Variants in VTA1 observed in about 807,000 individuals in gnomAD.
VTA1 encodes vacuolar protein sorting-associated protein VTA1 homolog.
In VTA1, 24 loss-of-function variants were observed where a neutral mutation model predicts 36.9. That is an observed-to-expected ratio of 0.65 (90% CI 0.47 to 0.91). The LOEUF is 0.91. Among genes scored for constraint, VTA1 ranks in the 40% least tolerant of loss-of-function variants. The pLI is 0.00. For synonymous variants in VTA1, 142 were observed against 130.2 expected (o/e 1.09, Z -0.62); for missense variants, 393 against 377.2 (o/e 1.04, Z -0.35).
chr6:142,174,297 G>A (rs1775078500), intron 4 of VTA1, among the ~76,000 whole-genome samples: 1 of 152,204 alleles, frequency 6.6e-6, no homozygotes, highest in African/African-American at 2.4e-5. Context: ...TGCTGGTCAT[G>A]GAGTCAAGGA....
chr6:142,210,371 AT>A (rs1179114768), intron 7 of VTA1, among the ~76,000 whole-genome samples: 2 of 152,308 alleles, frequency 1.3e-5, no homozygotes, highest in Non-Finnish European at 2.9e-5. Context: ...CTATGCAAAG[AT>A]TTTTTTGTGT....
At chr6:142,203,103 C>A (rs1775721679) in intron 6 of VTA1, among the ~76,000 whole-genome samples, 2 of 151,972 alleles carry the variant, frequency 1.3e-5, no homozygotes, top group Admixed American at 1.3e-4. Flanking sequence ...AGAACTTCAG[C>A]CATCTTTTGT....
chr6:142,180,708 C>T (rs1055751017), intron 4 of VTA1, among the ~76,000 whole-genome samples: 2 of 152,094 alleles, frequency 1.3e-5, no homozygotes, highest in Admixed American at 6.5e-5. Context: ...CAGCTCACGT[C>T]ATGTGCATCC....
chr6:142,171,381 C>T (rs1471649925), intron 4 of VTA1, among the ~76,000 whole-genome samples: 4 of 152,124 alleles, frequency 2.6e-5, no homozygotes, highest in Admixed American at 6.6e-5. Flanking sequence ...AGGCATGAGC[C>T]AACACACTGG....
At chr6:142,156,186 A>G (rs114937852) in intron 1 of VTA1, among the ~76,000 whole-genome samples, 171 of 152,260 alleles carry the variant, frequency 1.1e-3, no homozygotes, top group African/African-American at 3.9e-3. Flanking sequence ...TTCTGTTACT[A>G]AGTGATAGAA....
At chr6:142,184,348 C>T (rs867538990) in intron 4 of VTA1, among the ~76,000 whole-genome samples, 2 of 150,046 alleles carry the variant, frequency 1.3e-5, no homozygotes, top group Admixed American at 6.6e-5. Flanking sequence ...GACATTTCTT[C>T]ATCTCTAAAA....
intron 4 of VTA1, among the ~76,000 whole-genome samples, chr6:142,186,537 A>G (rs1203053461): frequency 2.6e-5 from 4 of 152,114 alleles, no homozygotes; most frequent in Admixed American, 2.6e-4. Context: ...AGGAAAATCA[A>G]CTGGATTCTT....
intron 1 of VTA1, among the ~76,000 whole-genome samples, chr6:142,164,722 A>T (rs1266580061): frequency 6.6e-6 from 1 of 152,214 alleles, no homozygotes; most frequent in Non-Finnish European, 1.5e-5. Context: ...GGTAGGCAGT[A>T]TACAGAGTTG....
Position 142,193,827 on chromosome 6 carries a change from T to C in VTA1, c.520+4293T>C, listed in dbSNP as rs182643362. ...GCATGGCCAGCAGTACACTTCACTG[T>C]CCTACCTCAGGGGTATATCAACTCT... is the stretch of plus-strand genomic sequence containing the variant. On this transcript the variant is annotated intron_variant, in intron 5 of 7. Coordinates refer to ENST00000367630, the MANE Select transcript of VTA1 (RefSeq NM_016485.5). Among the ~76,000 whole-genome samples, 3 of 152,130 alleles carry C rather than the reference T, an allele frequency of 2.0e-5. No homozygotes were observed. In the East Asian group the frequency reaches 5.8e-4, roughly 29 times the overall value.
intron 4 of VTA1, among the ~76,000 whole-genome samples, chr6:142,188,782 C>T (rs935517094): frequency 9.2e-5 from 14 of 152,122 alleles, no homozygotes; most frequent in Non-Finnish European, 1.5e-4. Context: ...CATCCTGTAA[C>T]ATTAGCATAT....
chr6:142,201,996 A>G (rs910425475), intron 6 of VTA1, among the ~76,000 whole-genome samples: 2 of 151,992 alleles, frequency 1.3e-5, no homozygotes, highest in Non-Finnish European at 1.5e-5. Flanking sequence ...AATGAATGAC[A>G]TTGATCTATA....
intron 7 of VTA1, among the ~76,000 whole-genome samples, chr6:142,209,315 C>T (rs1302828004): frequency 6.6e-6 from 1 of 151,672 alleles, no homozygotes; most frequent in African/African-American, 2.4e-5. Flanking sequence ...TATAAAATAC[C>T]TGGGAACCGA....
chr6:142,149,781 G>C (rs752021696), intron 1 of VTA1, among the ~76,000 whole-genome samples: 3 of 151,996 alleles, frequency 2.0e-5, no homozygotes, highest in African/African-American at 7.2e-5. Context: ...TCGTGTATTT[G>C]TTTGGGACTT....
intron 4 of VTA1, among the ~76,000 whole-genome samples, chr6:142,172,217 G>A (rs570130570): frequency 1.3e-5 from 2 of 152,104 alleles, no homozygotes; most frequent in African/African-American, 2.4e-5. Context: ...CACTGTGTTG[G>A]CCAGGATGAT....
intron 4 of VTA1, among the ~76,000 whole-genome samples, chr6:142,174,152 G>GGCAGCTT (rs1302969076): frequency 2.0e-5 from 3 of 152,236 alleles, no homozygotes; most frequent in African/African-American, 7.2e-5. Context: ...TAGAGCCACT[G>GGCAGCTT]GCAGCTTGCA....
At chr6:142,208,480 AGAGGGAGCT>A (rs1262507730) in intron 7 of VTA1, among the ~76,000 whole-genome samples, 1 of 152,188 alleles carries the variant, frequency 6.6e-6, no homozygotes, top group East Asian at 1.9e-4. Flanking sequence ...TTGATGTTCA[AGAGGGAGCT>A]GAGCGAGAGG....
chr6:142,201,196 T>C (rs1349257340), intron 6 of VTA1, among the ~76,000 whole-genome samples: 1 of 151,808 alleles, frequency 6.6e-6, no homozygotes, highest in Non-Finnish European at 1.5e-5. Flanking sequence ...CTATTATATT[T>C]GAAACAGTAA....
At chr6:142,204,786 G>A (rs1395137296) in intron 7 of VTA1, among the ~76,000 whole-genome samples, 6 of 151,856 alleles carry the variant, frequency 4.0e-5, no homozygotes, top group Admixed American at 1.3e-4. Flanking sequence ...GTGCAGTGGC[G>A]CAATCTCAGC....
At position 142,221,710 on chromosome 6, in the gene VTA1, T is replaced by C. The variant is rs979328744; in HGVS notation, c.*3067T>C. 1 of 151,336 alleles carries C rather than the reference T, an allele frequency of 6.6e-6. No individual in the cohort carries two copies. Among genetic ancestry groups the C allele is most frequent in the African/African-American group, 2.4e-5 (1 of 41,198 alleles). 9.4% of individuals were successfully genotyped at this position (151,336 alleles called of 1,614,324 possible). A position where few individuals can be genotyped will look rare whatever the true frequency, so the allele number is the denominator to read the frequency against. On this transcript the variant is annotated 3_prime_UTR_variant, in exon 8 of 8. Coordinates refer to ENST00000367630, the MANE Select transcript of VTA1 (RefSeq NM_016485.5). ...GGTTCGCACCTGCAATCCCAGCACT[T>C]TGGGAGCCAAGGCAGGCGGATCATC...
Sources: gnomAD v4.1 joint callset for allele counts (sites outside exome capture counted in the v4.1 genomes callset) on GRCh38, gnomAD v4.1.1 for gene constraint, MANE v1.5 for transcripts, NCBI Gene and HGNC (gene_info 2026-07-23, HGNC 2026-07-21) for gene names.